The following CRPPA variants were observed in gnomAD, a reference collection of about 807,000 sequenced individuals.
CRPPA encodes the protein D-ribitol-5-phosphate cytidylyltransferase.
In CRPPA, 43 loss-of-function variants were observed where a neutral mutation model predicts 52.0. The observed-to-expected ratio is 0.83, with a 90% confidence interval of 0.65 to 1.07. The LOEUF (loss-of-function observed/expected upper bound fraction) is 1.07, where lower values mean the gene tolerates loss of function less well. CRPPA is among the 50% of genes least tolerant of loss of function. CRPPA has a pLI of 0.00. For missense variants in CRPPA, 629 were observed against 551.7 expected (o/e 1.14, Z -1.40); for synonymous variants, 250 against 203.5 (o/e 1.23, Z -1.94).
intron 3 of CRPPA, among the ~76,000 whole-genome samples, chr7:16,354,363 TG>T (rs1372611017): frequency 2.0e-5 from 3 of 152,138 alleles, no homozygotes; most frequent in Non-Finnish European, 4.4e-5. Flanking sequence ...GTAATACGGT[TG>T]AAAACAAAGG....
rs184540878 is a variant in CRPPA, at chr7:16,348,543, C to A, written c.684+27549G>T. The stretch of plus-strand genomic sequence containing the variant: ...AAGCAGAAGGGACTAGGTATATGAG[C>A]GTCTCCTGAAGAGGACCAAACCAAG... On this transcript the variant is annotated intron_variant, in intron 3 of 9. Transcript: ENST00000407010. Among the ~76,000 whole-genome samples, 206 of 152,294 alleles carry A rather than the reference C, an allele frequency of 1.4e-3. 2 individuals carry two copies. The highest frequency in any genetic ancestry group is 0.012 in the South Asian group (58 of 4,832).
In CRPPA at chr7:16,408,001, G is replaced by A. The variant is rs534191359; in HGVS notation, c.258-1664C>T. Among the ~76,000 whole-genome samples the A allele has an allele frequency of 1.8e-3, 271 of 151,692 alleles. 1 individual carries two copies. Among genetic ancestry groups the A allele is most frequent in the African/African-American group, 6.4e-3 (265 of 41,344 alleles). ...CACGCAACTGTAATCCCAGCTACTC[G>A]AGAGGCTGAGGCAAGAGAATCACTT... On this transcript the variant is annotated intron_variant, in intron 1 of 9. Coordinates refer to ENST00000407010, the MANE Select transcript of CRPPA (RefSeq NM_001101426.4).
chr7:16,342,763 CAAAAAAAAAA>C lies in CRPPA; in HGVS notation c.684+33319_684+33328del, dbSNP rs368521163. ...GGCAACAGGATGAACCCTGTCTCCA[CAAAAAAAAAA>C]AAAAAAAAAATATATATATATATAT... On this transcript the variant is annotated intron_variant, in intron 3 of 9. Coordinates refer to ENST00000407010, the MANE Select transcript of CRPPA (RefSeq NM_001101426.4). 7.2e-3 allele frequency among the ~76,000 whole-genome samples: 469 copies of C among 64,950 alleles called. 19 individuals are homozygous for C. Among genetic ancestry groups the C allele is most frequent in the Non-Finnish European group, 9.1e-3 (310 of 34,124 alleles). The allele number at this position is 64,950 out of a possible 152,430, so 42.6% of individuals were successfully genotyped here. A position where few individuals can be genotyped will look rare whatever the true frequency, so the allele number is the denominator to read the frequency against.
chr7:16,245,812 C>T (rs546179114), intron 8 of CRPPA, among the ~76,000 whole-genome samples: 20 of 152,244 alleles, frequency 1.3e-4, no homozygotes, highest in Middle Eastern at 3.4e-3. Context: ...TACTATCATC[C>T]GTTACGTGCA....
intron 3 of CRPPA, among the ~76,000 whole-genome samples, chr7:16,354,154 T>A (rs1401297163): frequency 6.6e-6 from 1 of 152,202 alleles, no homozygotes; most frequent in African/African-American, 2.4e-5. Flanking sequence ...AAGGACACAA[T>A]TTGATTGTGA....
intron 9 of CRPPA, among the ~76,000 whole-genome samples, chr7:16,145,018 C>T (rs950221194): frequency 6.6e-6 from 1 of 152,106 alleles, no homozygotes; most frequent in Non-Finnish European, 1.5e-5. Flanking sequence ...TTATCTTGGC[C>T]AGGAGGCTGT....
At chr7:16,238,301 T>C (rs1783004015) in intron 8 of CRPPA, among the ~76,000 whole-genome samples, 1 of 152,162 alleles carries the variant, frequency 6.6e-6, no homozygotes, top group African/African-American at 2.4e-5. Context: ...AAATCAATAC[T>C]ATGTGAATCC....
At chr7:16,110,039 A>C (rs1782229382) in intron 9 of CRPPA, among the ~76,000 whole-genome samples, 1 of 152,052 alleles carries the variant, frequency 6.6e-6, no homozygotes, top group Non-Finnish European at 1.5e-5. Context: ...TCTTATATAT[A>C]TATAGAAAGC....
At chr7:16,313,623 C>T (rs11772183) in intron 3 of CRPPA, among the ~76,000 whole-genome samples, 100,701 of 151,768 alleles carry the variant, frequency 0.66, 35,440 homozygotes, top group Non-Finnish European at 0.79. Context: ...GCCTACATGA[C>T]TGATTTTAGG....
At chr7:16,373,225 G>A (rs1247759576) in intron 3 of CRPPA, among the ~76,000 whole-genome samples, 1 of 152,062 alleles carries the variant, frequency 6.6e-6, no homozygotes, top group Non-Finnish European at 1.5e-5. Flanking sequence ...GAACCCAGGA[G>A]GCAGATGTTG....
intron 3 of CRPPA, among the ~76,000 whole-genome samples, chr7:16,311,635 G>A (rs555595927): frequency 8.5e-5 from 13 of 152,126 alleles, no homozygotes; most frequent in South Asian, 8.3e-4. Context: ...AAACATTCAC[G>A]TGCAGGGTTT....
intron 9 of CRPPA, among the ~76,000 whole-genome samples, chr7:16,201,596 G>T (rs1781858495): frequency 6.6e-6 from 1 of 152,026 alleles, no homozygotes; most frequent in South Asian, 2.1e-4. Context: ...TTTGTCTCCA[G>T]TGTCCCTGTA....
intron 9 of CRPPA, among the ~76,000 whole-genome samples, chr7:16,189,902 C>T (rs964269255): frequency 1.1e-4 from 16 of 152,230 alleles, no homozygotes; most frequent in Admixed American, 9.8e-4. Flanking sequence ...TCTTTTAAAA[C>T]TGAATATGTT....
chr7:16,207,943 T>G (rs1782012623), intron 9 of CRPPA, among the ~76,000 whole-genome samples: 1 of 152,214 alleles, frequency 6.6e-6, no homozygotes, highest in African/African-American at 2.4e-5. Flanking sequence ...AATTGCCTTC[T>G]TTTTGTTTCT....
chr7:16,167,298 A>C (rs1583403706), intron 9 of CRPPA, among the ~76,000 whole-genome samples: 1 of 152,128 alleles, frequency 6.6e-6, no homozygotes, highest in African/African-American at 2.4e-5. Context: ...TTATTTATAC[A>C]CTATTTCCTA....
At chr7:16,382,502 G>T (rs947229542) in intron 2 of CRPPA, among the ~76,000 whole-genome samples, 1 of 152,030 alleles carries the variant, frequency 6.6e-6, no homozygotes, top group Admixed American at 6.6e-5. Flanking sequence ...GTATCTTTGT[G>T]GCATTCTCTG....
At chr7:16,170,132 A>G (rs1781148213) in intron 9 of CRPPA, among the ~76,000 whole-genome samples, 1 of 152,180 alleles carries the variant, frequency 6.6e-6, no homozygotes, top group South Asian at 2.1e-4. Flanking sequence ...CAAAAGTAGG[A>G]TGTGATTTTT....
intron 9 of CRPPA, among the ~76,000 whole-genome samples, chr7:16,142,916 G>A (rs975514775): frequency 6.6e-6 from 1 of 152,128 alleles, no homozygotes; most frequent in Non-Finnish European, 1.5e-5. Context: ...ATTTAAAGGT[G>A]AATAATAAAT....
chr7:16,307,118 T>C (rs1462740268), intron 4 of CRPPA, among the ~76,000 whole-genome samples: 2 of 152,164 alleles, frequency 1.3e-5, no homozygotes, highest in Non-Finnish European at 2.9e-5. Context: ...TTAGAATGAA[T>C]CTTTACTAAT....
Sources: allele counts gnomAD v4.1 joint callset (sites outside exome capture counted in the v4.1 genomes callset), GRCh38; gene constraint gnomAD v4.1.1; transcripts MANE v1.5; gene names NCBI Gene and HGNC (gene_info 2026-07-23, HGNC 2026-07-21).